ANKRD30A: variants seen among roughly 807,000 people sequenced by gnomAD.
ANKRD30A encodes the protein ankyrin repeat domain 30A, also known as ankyrin repeat domain-containing protein 30A.
A neutral mutation model predicts 166.3 loss-of-function variants in ANKRD30A; 170 were observed. The observed-to-expected ratio is 1.02, with a 90% CI of 0.90 to 1.16. The LOEUF (loss-of-function observed/expected upper bound fraction) is 1.16. Ranked by LOEUF, ANKRD30A falls within the 50% of genes most tolerant of loss-of-function variation. The pLI, the probability that ANKRD30A is intolerant of heterozygous loss-of-function variation, is 0.00. For missense variants in ANKRD30A, 1,630 were observed against 1,518.0 expected (o/e 1.07, Z -1.23); for synonymous variants, 564 against 508.9 (o/e 1.11, Z -1.46).
the ANKRD30A span, among the ~76,000 whole-genome samples, chr10:37,264,271 C>T: frequency 6.6e-6 from 1 of 152,136 alleles, no homozygotes; most frequent in Admixed American, 6.5e-5. Flanking sequence ...TGGGATAAAT[C>T]TTAGAGAAAG....
At chr10:37,164,983 G>T in intron 17 of ANKRD30A, 111 bp from the exon 18 acceptor site, 4 of 1,150,180 alleles carry the variant, frequency 3.5e-6, no homozygotes, top group Non-Finnish European at 5.1e-6. Flanking sequence ...GAACATATGG[G>T]CCACAGAGGA....
At chr10:37,126,135 G>A (rs1227955945) in intron 1 of ANKRD30A, 127 bp downstream of exon 1, 3 of 1,015,444 alleles carry the variant, frequency 3.0e-6, no homozygotes, top group Non-Finnish European at 4.4e-6. Context: ...CGGGCAGCGG[G>A]GCAGCCATCC....
At chr10:37,210,330 T>G (rs1842222876) in intron 31 of ANKRD30A, among the ~76,000 whole-genome samples, 1 of 152,204 alleles carries the variant, frequency 6.6e-6, no homozygotes, top group East Asian at 1.9e-4. Context: ...TTTTATGGTG[T>G]ATATGTGCCA....
chr10:37,207,281 A>AATATG (rs1447911594), intron 31 of ANKRD30A, among the ~76,000 whole-genome samples: 2 of 152,174 alleles, frequency 1.3e-5, no homozygotes, highest in Non-Finnish European at 2.9e-5. Flanking sequence ...TAAATTAAAG[A>AATATG]ATATGATGAA....
Position 37,158,600 on chromosome 10 carries a change from T to G in ANKRD30A, c.1900+14T>G. 6.2e-7 allele frequency: 1 copy of G among 1,611,864 alleles called. No homozygotes were observed. The highest frequency in any genetic ancestry group is 1.1e-5 in the South Asian group (1 of 90,296). On this transcript the variant is annotated intron_variant, in intron 15 of 35. Transcript: ENST00000361713. ...CTTTCAAAGCAGGTAAATTTTGTAA[T>G]TTTAATTTTACTCTGGAAAGGAGAA... is the stretch of plus-strand genomic sequence containing the variant.
intron 13 of ANKRD30A, among the ~76,000 whole-genome samples, chr10:37,153,995 G>A (rs574982560): frequency 6.6e-6 from 1 of 152,166 alleles, no homozygotes; most frequent in Non-Finnish European, 1.5e-5. Context: ...CAAGAAGCAG[G>A]TTTATATAGT....
rs1840751298 is a variant in ANKRD30A at position 37,193,229 on chromosome 10, A to T, written c.2585A>T (p.Glu862Val). The T allele has an allele frequency of 1.2e-6, 2 of 1,611,696 alleles. No homozygotes were observed. The highest frequency in any genetic ancestry group is 2.7e-5 in the African/African-American group (2 of 74,688). ...GTTTCTATTCCAACTAAAGCCTTAG[A>T]ATTGATGGACATGCAAACTTTCAAA... ...MKVSIPTKALELMDMQTFKAE... is the reference protein window; with the variant it reads ...MKVSIPTKALVLMDMQTFKAE... Residue 862 changes from glutamate to valine, a missense_variant, in exon 27 of 36, where the codon GAA (glutamate) becomes GTA (valine). Physicochemically the swap from Glu to Val is moderately radical, Grantham distance 121. Around this residue, in one of 4 missense-constraint regions of ANKRD30A, gnomAD observed 712 missense variants for 629.3 expected, o/e 1.13. Coordinates refer to ENST00000361713, the MANE Select transcript of ANKRD30A (RefSeq NM_052997.3).
At chr10:37,192,402 T>C (rs1014259159) in intron 25 of ANKRD30A, among the ~76,000 whole-genome samples, 2 of 152,022 alleles carry the variant, frequency 1.3e-5, no homozygotes, top group African/African-American at 4.8e-5. Context: ...TCAGGAAATT[T>C]TAAGAGGACT....
At chr10:37,214,371 C>T (rs1396138050) in intron 31 of ANKRD30A, among the ~76,000 whole-genome samples, 3 of 151,230 alleles carry the variant, frequency 2.0e-5, no homozygotes, top group Non-Finnish European at 3.0e-5. Flanking sequence ...TGCTTTTGAG[C>T]AGAGGTTTTT....
the ANKRD30A span, among the ~76,000 whole-genome samples, chr10:37,256,445 T>C: frequency 6.6e-6 from 1 of 152,140 alleles, no homozygotes; most frequent in East Asian, 1.9e-4. Context: ...GTAGCACTTA[T>C]TACACCCATC....
the ANKRD30A span, among the ~76,000 whole-genome samples, chr10:37,249,029 A>G: frequency 2.0e-5 from 3 of 152,144 alleles, no homozygotes; most frequent in Admixed American, 1.3e-4. Context: ...CCAGTGCTAC[A>G]TGATGCTGGT....
intron 34 of ANKRD30A, among the ~76,000 whole-genome samples, chr10:37,222,235 C>T (rs965212974): frequency 6.6e-6 from 1 of 151,250 alleles, no homozygotes; most frequent in Non-Finnish European, 1.5e-5. Flanking sequence ...CTTCACATCT[C>T]TTAGTCATCA....
At chr10:37,263,483 C>T in the ANKRD30A span, among the ~76,000 whole-genome samples, 1 of 151,228 alleles carries the variant, frequency 6.6e-6, no homozygotes, top group Non-Finnish European at 1.5e-5. Context: ...AGCTTGTTTT[C>T]CTGCAACTAG....
intron 15 of ANKRD30A, among the ~76,000 whole-genome samples, chr10:37,158,844 A>G (rs1838596798): frequency 1.3e-5 from 2 of 152,142 alleles, no homozygotes; most frequent in African/African-American, 2.4e-5. Context: ...TCCAGTTTGC[A>G]ATTTCTGTAC....
At chr10:37,232,366 C>G (rs1308615601) in intron 35 of ANKRD30A, 133 bp from the exon 36 acceptor site, 1 of 151,226 alleles carries the variant, frequency 6.6e-6, no homozygotes, top group African/African-American at 2.4e-5. Context: ...TAAATCAACT[C>G]TTTGAATTTT....
At chr10:37,194,260 T>C (rs578156833) in intron 27 of ANKRD30A, among the ~76,000 whole-genome samples, 1 of 152,256 alleles carries the variant, frequency 6.6e-6, no homozygotes, top group South Asian at 2.1e-4. Context: ...TAGAATTTGT[T>C]TTCATGTCTT....
intron 34 of ANKRD30A, among the ~76,000 whole-genome samples, chr10:37,223,077 T>A (rs1256987966): frequency 1.3e-5 from 2 of 151,344 alleles, no homozygotes; most frequent in Non-Finnish European, 3.0e-5. Flanking sequence ...TAGAGGACAA[T>A]TGTTCTAGTC....
At chr10:37,230,388 T>C (rs1199792954) in intron 34 of ANKRD30A, among the ~76,000 whole-genome samples, 2 of 152,056 alleles carry the variant, frequency 1.3e-5, no homozygotes, top group Non-Finnish European at 2.9e-5. Context: ...TGAACTGACC[T>C]TCAAAGTGTT....
the ANKRD30A span, among the ~76,000 whole-genome samples, chr10:37,252,947 T>A: frequency 6.6e-6 from 1 of 152,234 alleles, no homozygotes; most frequent in South Asian, 2.1e-4. Context: ...CCTTTATGTT[T>A]AATTTCTTTT....
Sources: allele counts gnomAD v4.1 joint callset (sites outside exome capture counted in the v4.1 genomes callset), GRCh38; gene constraint gnomAD v4.1.1; regional missense constraint gnomAD v4.1.1; transcripts MANE v1.5; gene names NCBI Gene and HGNC (gene_info 2026-07-23, HGNC 2026-07-21).